The following PKD1L1 variants were observed in gnomAD, a reference collection of about 807,000 sequenced individuals.
PKD1L1 encodes polycystin 1 like 1, transient receptor potential channel interacting, also known as polycystin-1-like protein 1.
PKD1L1 carries 236 observed loss-of-function variants against 323.4 expected under a neutral mutation model. The ratio of observed to expected loss-of-function variants is 0.73; its 90% CI spans 0.66 to 0.81. The LOEUF (loss-of-function observed/expected upper bound fraction) is 0.81, where lower values mean the gene tolerates loss of function less well. Ranked by LOEUF, PKD1L1 falls within the 40% of genes least tolerant of loss-of-function variation. The pLI is 0.00. For synonymous variants in PKD1L1, 1,344 were observed against 1,335.0 expected (o/e 1.01, Z -0.15); for missense variants, 3,320 against 3,508.0 (o/e 0.95, Z 1.35).
intron 26 of PKD1L1, among the ~76,000 whole-genome samples, chr7:47,859,580 A>G (rs1785979981): frequency 6.7e-6 from 1 of 149,910 alleles, no homozygotes; most frequent in South Asian, 2.1e-4. Context: ...CTGGGCTTAC[A>G]TGATTCTCCC....
At chr7:47,849,172 T>A (rs73331771) in intron 31 of PKD1L1, among the ~76,000 whole-genome samples, 1 of 152,170 alleles carries the variant, frequency 6.6e-6, no homozygotes, top group African/African-American at 2.4e-5. Flanking sequence ...TGGATCCTCA[T>A]CTCTCATTTT....
At chr7:47,949,053 C>A (rs559333307), upstream of PKD1L1, among the ~76,000 whole-genome samples, 1 of 152,180 alleles carries the variant, frequency 6.6e-6, no homozygotes, top group East Asian at 1.9e-4. Context: ...TACATGGAAG[C>A]TGAGAGAAGT....
At chr7:47,920,278 C>A (rs58196281) in intron 7 of PKD1L1, among the ~76,000 whole-genome samples, 17,790 of 139,718 alleles carry the variant, frequency 0.13, 3,605 homozygotes, top group African/African-American at 0.43. Context: ...GCAAAAAAAA[C>A]CAAAACAAAC....
intron 41 of PKD1L1, among the ~76,000 whole-genome samples, chr7:47,832,647 C>T (rs1338947063): frequency 2.0e-5 from 3 of 152,190 alleles, no homozygotes; most frequent in African/African-American, 7.2e-5. Flanking sequence ...CTCCTCTTTG[C>T]CATCATTTGG....
chr7:47,936,928 A>T lies in PKD1L1; in HGVS notation c.316T>A (p.Leu106Ile). 1 of 1,612,898 alleles carries T rather than the reference A, an allele frequency of 6.2e-7. No individual in the cohort carries two copies. Among genetic ancestry groups the T allele is most frequent in the East Asian group, 2.2e-5 (1 of 44,876 alleles). ...NIWKTTSEAA[L>I]SVVNEKTQAV... ...TGTGTTTTTTCATTAACAACACTTA[A>T]CGCTGCTTCACTAGTTGTTTTCCAA... is the stretch of plus-strand genomic sequence containing the variant. Residue 106 changes from leucine to isoleucine, a missense_variant, in exon 4 of 57, where the codon TTA becomes ATA. Leu to Ile is a conservative substitution (Grantham distance 5, BLOSUM62 2). Transcript: ENST00000289672.
At chr7:47,892,093 C>A (rs1011826644) in intron 15 of PKD1L1, among the ~76,000 whole-genome samples, 4 of 152,134 alleles carry the variant, frequency 2.6e-5, no homozygotes, top group African/African-American at 9.7e-5. Context: ...AATAAGAGCC[C>A]TGCCCTCCAG....
chr7:47,846,403 C>T (rs984445471), intron 32 of PKD1L1, among the ~76,000 whole-genome samples: 10 of 152,170 alleles, frequency 6.6e-5, no homozygotes, highest in African/African-American at 2.4e-4. Context: ...AGAAAGCACA[C>T]CTTCACCACC....
At chr7:47,948,488 T>G (rs778429668), upstream of PKD1L1, 3 of 1,587,424 alleles carry the variant, frequency 1.9e-6, no homozygotes, top group Admixed American at 5.0e-5. Flanking sequence ...GACCAGCTTC[T>G]TCCTACATCC....
At chr7:47,913,675 T>A (rs1208736374) in intron 8 of PKD1L1, among the ~76,000 whole-genome samples, 1 of 152,204 alleles carries the variant, frequency 6.6e-6, no homozygotes, top group Non-Finnish European at 1.5e-5. Flanking sequence ...GTAAGTTTCC[T>A]GAGGCTTCCC....
intron 46 of PKD1L1, among the ~76,000 whole-genome samples, chr7:47,818,452 T>C (rs1467566649): frequency 1.3e-5 from 2 of 152,250 alleles, no homozygotes; most frequent in African/African-American, 4.8e-5. Context: ...ATTATAGCCA[T>C]GTTGAGTTTG....
intron 41 of PKD1L1, among the ~76,000 whole-genome samples, chr7:47,832,631 C>G (rs1785371226): frequency 6.6e-6 from 1 of 152,170 alleles, no homozygotes. Flanking sequence ...CCAGGCCCAC[C>G]ACAGTCTCCT....
rs543268546 is a variant in PKD1L1, at chr7:47,781,454, G to A, written c.8527-6288C>T. Among the ~76,000 whole-genome samples the A allele has an allele frequency of 3.4e-5, 5 of 147,696 alleles. No homozygotes were observed. In the South Asian group the frequency reaches 1.1e-3, roughly 32 times the overall value. The stretch of plus-strand genomic sequence containing the variant: ...GACAGAGTCTCACTCTGTTGCCCAG[G>A]CTGGAGTGCAGTGGCGTGATCTTGG... On this transcript the variant is annotated intron_variant, in intron 56 of 56. Coordinates refer to ENST00000289672, the MANE Select transcript of PKD1L1 (RefSeq NM_138295.5).
chr7:47,825,991 G>A (rs151167395), intron 45 of PKD1L1, among the ~76,000 whole-genome samples: 12 of 152,194 alleles, frequency 7.9e-5, no homozygotes, highest in African/African-American at 2.6e-4. Context: ...AGAGGGCTAC[G>A]TCCTGGCAGA....
intron 26 of PKD1L1, 116 bp downstream of exon 26, chr7:47,865,100 C>T: frequency 1.4e-6 from 1 of 737,012 alleles, no homozygotes; most frequent in Non-Finnish European, 2.2e-6. Flanking sequence ...GGGAAAATCA[C>T]ATTTCTAATC....
At chr7:47,891,033 T>C (rs1156924666) in intron 15 of PKD1L1, among the ~76,000 whole-genome samples, 1 of 152,144 alleles carries the variant, frequency 6.6e-6, no homozygotes, top group Non-Finnish European at 1.5e-5. Context: ...CCAGGCTTCC[T>C]AACCCTTCTC....
intron 7 of PKD1L1, among the ~76,000 whole-genome samples, chr7:47,920,570 G>C (rs563865017): frequency 1.7e-4 from 26 of 152,198 alleles, no homozygotes; most frequent in African/African-American, 5.5e-4. Flanking sequence ...CCAAAAAAGA[G>C]GCTGTACATC....
At chr7:47,795,594 T>C (rs1378582283) in intron 55 of PKD1L1, among the ~76,000 whole-genome samples, 1 of 152,206 alleles carries the variant, frequency 6.6e-6, no homozygotes, top group Admixed American at 6.5e-5. Context: ...CTGGGGTGAC[T>C]GAACTCAAGT....
chr7:47,904,246 T>C, intron 12 of PKD1L1, 132 bp downstream of exon 12: 1 of 1,253,288 alleles, frequency 8.0e-7, no homozygotes, highest in Non-Finnish European at 1.1e-6. Flanking sequence ...GTCTTATTTG[T>C]CTCTGTGTAA....
intron 52 of PKD1L1, among the ~76,000 whole-genome samples, chr7:47,806,823 G>T (rs530799668): frequency 6.6e-6 from 1 of 152,240 alleles, no homozygotes; most frequent in Non-Finnish European, 1.5e-5. Context: ...CTACATGGAA[G>T]AGCGTGGGCT....
Sources: allele counts gnomAD v4.1 joint callset (sites outside exome capture counted in the v4.1 genomes callset), GRCh38; gene constraint gnomAD v4.1.1; transcripts MANE v1.5; gene names NCBI Gene and HGNC (gene_info 2026-07-23, HGNC 2026-07-21).